The following SLC46A2 variants were observed in gnomAD, a reference collection of about 807,000 sequenced individuals.
SLC46A2 encodes solute carrier family 46 member 2.
Under a neutral mutation model 33.1 loss-of-function variants are expected in SLC46A2, and 25 were observed. The ratio of observed to expected loss-of-function variants is 0.76; its 90% CI spans 0.55 to 1.06. The LOEUF is 1.06. Among genes scored for constraint, SLC46A2 ranks in the 50% least tolerant of loss-of-function variants. The pLI is 0.00. For synonymous variants in SLC46A2, 254 were observed against 275.9 expected (o/e 0.92, Z 0.79); for missense variants, 622 against 621.7 (o/e 1.00, Z 0.00).
At chr9:112,881,767 T>G (rs960476005) in intron 3 of SLC46A2, 1 of 152,220 alleles carries the variant, frequency 6.6e-6, no homozygotes, top group African/African-American at 2.4e-5. Context: ...TTCAGTCTAG[T>G]GGGCAAGTGT....
At chr9:112,879,955 T>G (rs1183249689) in intron 3 of SLC46A2, 136 bp from the exon 4 acceptor site, 5 of 697,278 alleles carry the variant, frequency 7.2e-6, no homozygotes, top group Non-Finnish European at 1.0e-5. Context: ...CAAGGTGTGC[T>G]GGTGCACTGT....
In SLC46A2 at chr9:112,879,695, G is replaced by T; in HGVS notation, c.*67C>A. 1 of 1,471,562 alleles carries T rather than the reference G, an allele frequency of 6.8e-7. No homozygotes were observed. The highest frequency in any genetic ancestry group is 9.5e-7 in the Non-Finnish European group (1 of 1,054,816). 91.2% of individuals were successfully genotyped at this position (1,471,562 alleles called of 1,614,324 possible). A position where few individuals can be genotyped will look rare whatever the true frequency, so the allele number is the denominator to read the frequency against. The stretch of plus-strand genomic sequence containing the variant: ...GGTTGCTTAGGTCACCAGTTCCCTG[G>T]TCCCTTCTTTTGTCTTCTGGGGGCC... On this transcript the variant is annotated 3_prime_UTR_variant, in exon 4 of 4. Coordinates refer to ENST00000374228, the MANE Select transcript of SLC46A2 (RefSeq NM_033051.4).
Position 112,886,460 on chromosome 9 carries a change from CTA to C in SLC46A2, c.1368_1369del (p.Ile456MetfsTer6). ...GCAGCAGATGCTGCTCCCATCCTAC[CTA>C]ATTGGAATGATGGCCAGGAAGGAGA... On this transcript the variant is annotated frameshift_variant and splice_region_variant, in exon 3 of 4. Coordinates refer to ENST00000374228, the MANE Select transcript of SLC46A2 (RefSeq NM_033051.4). LOFTEE classifies it high-confidence loss of function. 2.5e-6 allele frequency: 4 copies of C among 1,613,908 alleles called. No homozygotes were observed. Among genetic ancestry groups the C allele is most frequent in the Non-Finnish European group, 3.4e-6 (4 of 1,179,818 alleles).
At position 112,879,715 on chromosome 9, in the gene SLC46A2, G is replaced by C; in HGVS notation, c.*47C>G. On this transcript the variant is annotated 3_prime_UTR_variant, in exon 4 of 4. Coordinates refer to ENST00000374228, the MANE Select transcript of SLC46A2 (RefSeq NM_033051.4). ...CCCTGGTCCCTTCTTTTGTCTTCTG[G>C]GGGCCTGGCCATGGCTGATGTTTTC... 6.4e-7 allele frequency: 1 copy of C among 1,561,018 alleles called. No individual in the cohort carries two copies. The highest frequency in any genetic ancestry group is 2.3e-5 in the East Asian group (1 of 44,410).
intron 3 of SLC46A2, among the ~76,000 whole-genome samples, chr9:112,883,255 CAT>C (rs202043438): frequency 0.012 from 1,805 of 152,184 alleles, 16 homozygotes; most frequent in Non-Finnish European, 0.021. Flanking sequence ...GGAGGAAGAG[CAT>C]ATGTCAGCTC....
In SLC46A2 at chr9:112,879,813, C is replaced by A; in HGVS notation, c.1377G>T (p.Val459=). The A allele has an allele frequency of 6.2e-7, 1 of 1,612,572 alleles. No individual in the cohort carries two copies. The part of the protein sequence containing the change: ...SFLAIIPISI[V]AYKQVPLSPY... ...GTGACAATGGGACTTGTTTATAGGC[C>A]ACGATGCTGTAAGAATTGACCATAG... is the stretch of plus-strand genomic sequence containing the variant. Residue 459 remains valine, a synonymous_variant, in exon 4 of 4, where the codon GTG becomes GTT. Coordinates refer to ENST00000374228, the MANE Select transcript of SLC46A2 (RefSeq NM_033051.4).
At chr9:112,888,577 G>A (rs1050110449) in intron 1 of SLC46A2, among the ~76,000 whole-genome samples, 3 of 152,156 alleles carry the variant, frequency 2.0e-5, no homozygotes, top group South Asian at 2.1e-4. Context: ...ACATTTCAAC[G>A]GCTCAATAGC....
At chr9:112,884,532 A>G (rs1345907006) in intron 3 of SLC46A2, among the ~76,000 whole-genome samples, 1 of 152,148 alleles carries the variant, frequency 6.6e-6, no homozygotes, top group Non-Finnish European at 1.5e-5. Context: ...GTACATTTGA[A>G]TCACCTGGAG....
intron 1 of SLC46A2, among the ~76,000 whole-genome samples, chr9:112,888,015 C>T (rs1011918711): frequency 3.9e-5 from 6 of 152,074 alleles, no homozygotes; most frequent in Non-Finnish European, 8.8e-5. Flanking sequence ...TGGCGGCTCA[C>T]GCCTGTAATC....
At chr9:112,888,016 G>A (rs1046125373) in intron 1 of SLC46A2, among the ~76,000 whole-genome samples, 22 of 152,006 alleles carry the variant, frequency 1.4e-4, no homozygotes, top group African/African-American at 4.6e-4. Flanking sequence ...GGCGGCTCAC[G>A]CCTGTAATCC....
At chr9:112,880,432 A>G (rs1289248684) in intron 3 of SLC46A2, 2 of 153,530 alleles carry the variant, frequency 1.3e-5, no homozygotes, top group East Asian at 1.9e-4. Flanking sequence ...GCTAGTGCCA[A>G]CCAGCCTGAA....
Position 112,879,345 on chromosome 9 carries a change from G to T in SLC46A2, c.*417C>A, listed in dbSNP as rs1382762546. On this transcript the variant is annotated 3_prime_UTR_variant, in exon 4 of 4. Coordinates refer to ENST00000374228, the MANE Select transcript of SLC46A2 (RefSeq NM_033051.4). ...ATGCACGCTTTGAGTTCTCCCATGG[G>T]ACTTTCAGCACAGCACCCAGGTGAC... 1 of 165,096 alleles carries T rather than the reference G, an allele frequency of 6.1e-6. No homozygotes were observed. Among genetic ancestry groups the T allele is most frequent in the African/African-American group, 2.4e-5 (1 of 41,972 alleles). 10.2% of individuals were successfully genotyped at this position (165,096 alleles called of 1,614,324 possible).
At chr9:112,882,344 C>G (rs576013282) in intron 3 of SLC46A2, among the ~76,000 whole-genome samples, 135 of 152,286 alleles carry the variant, frequency 8.9e-4, no homozygotes, top group African/African-American at 2.9e-3. Context: ...TAAGCTCAAG[C>G]AATTCCCCCA....
rs1355212534 is a variant in SLC46A2, at chr9:112,879,782, C to G, written c.1408G>C (p.Gly470Arg). The change falls in exon 4 of 4, where the codon GGA (glycine) becomes CGA (arginine). Residue 470 changes from glycine (G) to arginine (R), a missense_variant. By Grantham distance (125) the Gly-to-Arg change is moderately radical. Coordinates refer to ENST00000374228, the MANE Select transcript of SLC46A2 (RefSeq NM_033051.4). ...AYKQVPLSPY[G>R]DIIEK is the part of the protein sequence containing the mutation. ...CATCTTCATTTCTCTATGATGTCTC[C>G]ATATGGTGACAATGGGACTTGTTTA... The G allele has an allele frequency of 6.2e-7, 1 of 1,612,996 alleles. No homozygotes were observed. The highest frequency in any genetic ancestry group is 1.1e-5 in the South Asian group (1 of 90,958).
In SLC46A2 at chr9:112,883,762, A is replaced by C. The variant is rs187913556; in HGVS notation, c.1370+2698T>G. 2.7e-3 allele frequency among the ~76,000 whole-genome samples: 402 copies of C among 146,436 alleles called. 4 individuals carry two copies. Among genetic ancestry groups the C allele is most frequent in the African/African-American group, 9.6e-3 (376 of 39,228 alleles). ...ACCCAGGCTGGAGTGCAGTGGCACG[A>C]TCTCAGCTCACTGCAACTACCACCT... On this transcript the variant is annotated intron_variant, in intron 3 of 3. Transcript: ENST00000374228.
Position 112,890,461 on chromosome 9 carries a change from A to G in SLC46A2, c.221T>C (p.Ile74Thr). The G allele has an allele frequency of 1.2e-6, 2 of 1,614,180 alleles. No individual in the cohort carries two copies. The highest frequency in any genetic ancestry group is 1.7e-6 in the Non-Finnish European group (2 of 1,180,042). ...GALEDQQQRAISNFYIIYNLV... is the reference protein window; with the variant it reads ...GALEDQQQRATSNFYIIYNLV... ...GTTGTAGATAATGTAGAAATTGGAG[A>G]TGGCTCTCTGCTGTTGGTCCTCTAG... Residue 74 changes from isoleucine (I) to threonine (T), a missense_variant, in exon 1 of 4, where the codon ATC (isoleucine) becomes ACC (threonine). Coordinates refer to ENST00000374228, the MANE Select transcript of SLC46A2 (RefSeq NM_033051.4). This position sits in a 1 kb window ranked among gnomAD's most constrained non-coding sequence, Gnocchi z 6.0.
At chr9:112,883,111 A>C (rs1178601113) in intron 3 of SLC46A2, among the ~76,000 whole-genome samples, 3 of 152,224 alleles carry the variant, frequency 2.0e-5, no homozygotes, top group Non-Finnish European at 4.4e-5. Flanking sequence ...TAGTGAGAGC[A>C]GCTCTGGTGG....
intron 3 of SLC46A2, among the ~76,000 whole-genome samples, chr9:112,882,096 TTTG>T (rs769375459): frequency 1.6e-4 from 24 of 151,982 alleles, no homozygotes; most frequent in Non-Finnish European, 2.1e-4. Context: ...ACATTCATTT[TTTG>T]TTGTTGTTGT....
rs200371278 is a variant in SLC46A2 at position 112,890,776 on chromosome 9, CGGAGCGCGAGTGTGCTCCGTGCGCCG to C, written c.-121_-96del. Reference sequence around the variant, plus strand: ...GCTACGGCTGCTCAGGTTTCAGTCCCGGAGCGCGAGTGTGCTCCGTGCGCCGGGAGCGCGAGTGTGCTCCGTGCGCC... The same window carrying C: ...GCTACGGCTGCTCAGGTTTCAGTCCCGGAGCGCGAGTGTGCTCCGTGCGCC... On this transcript the variant is annotated 5_prime_UTR_variant, in exon 1 of 4. Transcript: ENST00000374228. The surrounding 1 kb of genome is among the most constrained non-coding windows in gnomAD (Gnocchi z 6.0). 220,438 of 1,259,334 alleles carry C rather than the reference CGGAGCGCGAGTGTGCTCCGTGCGCCG, an allele frequency of 0.18. 24,000 individuals are homozygous for C. The highest frequency in any genetic ancestry group is 0.2 in the African/African-American group (13,545 of 66,536). 78.0% of individuals were successfully genotyped at this position (1,259,334 alleles called of 1,614,324 possible).
Sources: gnomAD v4.1 joint callset for allele counts (sites outside exome capture counted in the v4.1 genomes callset) on GRCh38, gnomAD v4.1.1 for gene constraint, Gnocchi (gnomAD v3.1) non-coding constraint, MANE v1.5 for transcripts, NCBI Gene and HGNC (gene_info 2026-07-23, HGNC 2026-07-21) for gene names.